SPAG16: variants seen among roughly 807,000 people sequenced by gnomAD.
The protein encoded by SPAG16 is sperm associated antigen 16, also known as sperm-associated antigen 16 protein.
A neutral mutation model predicts 80.4 loss-of-function variants in SPAG16; 86 were observed. That is an observed-to-expected ratio of 1.07 (90% confidence interval 0.90 to 1.28). The LOEUF (loss-of-function observed/expected upper bound fraction) is 1.28, where lower values mean the gene tolerates loss of function less well. Ranked by LOEUF, SPAG16 falls within the 50% of genes most tolerant of loss-of-function variation. The pLI is 0.00. For missense variants in SPAG16, 870 were observed against 765.3 expected (o/e 1.14, Z -1.61); for synonymous variants, 294 against 265.9 (o/e 1.11, Z -1.03).
At chr2:213,589,501 G>T (rs2060603279) in intron 10 of SPAG16, among the ~76,000 whole-genome samples, 1 of 152,194 alleles carries the variant, frequency 6.6e-6, no homozygotes, top group South Asian at 2.1e-4. Context: ...AATTGGAGCA[G>T]ATGGGACTGT....
At chr2:213,942,750 G>A (rs955734890) in intron 12 of SPAG16, among the ~76,000 whole-genome samples, 1 of 152,138 alleles carries the variant, frequency 6.6e-6, no homozygotes, top group Non-Finnish European at 1.5e-5. Context: ...AAGTCACATG[G>A]CCAATATTAG....
At chr2:213,605,423 G>A (rs2061224268) in intron 10 of SPAG16, among the ~76,000 whole-genome samples, 1 of 151,966 alleles carries the variant, frequency 6.6e-6, no homozygotes, top group Admixed American at 6.6e-5. Flanking sequence ...GGCCAAAGTG[G>A]AAGGATCCCT....
At chr2:214,104,975 T>G (rs2053304654) in intron 13 of SPAG16, among the ~76,000 whole-genome samples, 1 of 151,834 alleles carries the variant, frequency 6.6e-6, no homozygotes, top group Non-Finnish European at 1.5e-5. Context: ...GCTGTGGAAT[T>G]TGGTAGAGAA....
chr2:213,809,433 A>C (rs569555546), intron 10 of SPAG16, among the ~76,000 whole-genome samples: 1 of 152,308 alleles, frequency 6.6e-6, no homozygotes, highest in South Asian at 2.1e-4. Flanking sequence ...GGAAACATCT[A>C]AGGTCATTTT....
intron 10 of SPAG16, among the ~76,000 whole-genome samples, chr2:213,800,333 T>A (rs142642439): frequency 3.6e-4 from 23 of 63,762 alleles, no homozygotes; most frequent in Middle Eastern, 7.8e-3. Flanking sequence ...CCTCCCTCCC[T>A]CTCTCCCTCT....
chr2:213,625,403 C>T (rs2125064985), intron 10 of SPAG16, among the ~76,000 whole-genome samples: 1 of 152,114 alleles, frequency 6.6e-6, no homozygotes, highest in East Asian at 1.9e-4. Context: ...TGTATCAAAA[C>T]ACCTCGTGTA....
chr2:213,940,022 T>C (rs2079134259), intron 12 of SPAG16, among the ~76,000 whole-genome samples: 2 of 152,320 alleles, frequency 1.3e-5, no homozygotes, highest in African/African-American at 4.8e-5. Context: ...GTAAAATTTC[T>C]TATCTACAAA....
chr2:213,939,204 C>G (rs1240667335), intron 12 of SPAG16, among the ~76,000 whole-genome samples: 1 of 152,116 alleles, frequency 6.6e-6, no homozygotes, highest in Non-Finnish European at 1.5e-5. Flanking sequence ...TACTTAGAAA[C>G]TGATTATTTA....
chr2:213,889,600 A>G (rs2076698617), intron 11 of SPAG16, among the ~76,000 whole-genome samples: 1 of 150,466 alleles, frequency 6.6e-6, no homozygotes, highest in African/African-American at 2.4e-5. Flanking sequence ...CTTGTTGCTC[A>G]CACACACACA....
At chr2:214,273,260 G>T (rs1692176550) in intron 15 of SPAG16, among the ~76,000 whole-genome samples, 1 of 152,058 alleles carries the variant, frequency 6.6e-6, no homozygotes, top group Non-Finnish European at 1.5e-5. Context: ...CACTCTAATG[G>T]TAGTTTCTTT....
At chr2:214,066,478 A>G (rs2050534135) in intron 13 of SPAG16, among the ~76,000 whole-genome samples, 1 of 152,104 alleles carries the variant, frequency 6.6e-6, no homozygotes, top group Non-Finnish European at 1.5e-5. Context: ...CTTTACTTAT[A>G]CCTACATTTA....
At chr2:214,140,198 TTCTC>T (rs1029711313) in intron 14 of SPAG16, among the ~76,000 whole-genome samples, 1 of 152,014 alleles carries the variant, frequency 6.6e-6, no homozygotes, top group Non-Finnish European at 1.5e-5. Flanking sequence ...AGTTTCCTTT[TTCTC>T]TCTCTTTTTT....
chr2:213,921,537 GT>G (rs770442743), intron 11 of SPAG16, among the ~76,000 whole-genome samples: 5 of 152,048 alleles, frequency 3.3e-5, no homozygotes, highest in Admixed American at 1.3e-4. Flanking sequence ...TACATTCAAG[GT>G]TACTATTCAT....
chr2:214,177,305 T>G (rs1235080967), intron 15 of SPAG16, among the ~76,000 whole-genome samples: 1 of 151,164 alleles, frequency 6.6e-6, no homozygotes, highest in Admixed American at 6.6e-5. Flanking sequence ...GTATCTATTT[T>G]GCTTGCAGAA....
At chr2:213,782,805 T>C (rs1227247541) in intron 10 of SPAG16, among the ~76,000 whole-genome samples, 1 of 152,230 alleles carries the variant, frequency 6.6e-6, no homozygotes, top group Non-Finnish European at 1.5e-5. Context: ...TTTTTGCAGA[T>C]AGATGTTCTA....
chr2:213,369,706 A>T (rs959198261), intron 8 of SPAG16, among the ~76,000 whole-genome samples: 5 of 152,062 alleles, frequency 3.3e-5, no homozygotes, highest in African/African-American at 1.2e-4. Flanking sequence ...AGCTGAATTC[A>T]TTTTTTAAAA....
At chr2:213,972,722 T>C (rs926898669) in intron 12 of SPAG16, among the ~76,000 whole-genome samples, 1 of 151,996 alleles carries the variant, frequency 6.6e-6, no homozygotes, top group Non-Finnish European at 1.5e-5. Flanking sequence ...CATCACAGAG[T>C]CTTTTATTTA....
At chr2:213,675,020 A>G (rs1019447008) in intron 10 of SPAG16, among the ~76,000 whole-genome samples, 2 of 149,770 alleles carry the variant, frequency 1.3e-5, no homozygotes, top group African/African-American at 5.0e-5. Context: ...AAGTGTTCCT[A>G]TTTCTCCACA....
At chr2:213,332,103 GT>G (rs1559419019) in intron 5 of SPAG16, among the ~76,000 whole-genome samples, 1 of 152,078 alleles carries the variant, frequency 6.6e-6, no homozygotes, top group South Asian at 2.1e-4. Flanking sequence ...AACAAAAAAT[GT>G]TATTCTTTTG....
Sources: allele counts gnomAD v4.1 joint callset (sites outside exome capture counted in the v4.1 genomes callset), GRCh38; gene constraint gnomAD v4.1.1; transcripts MANE v1.5; gene names NCBI Gene and HGNC (gene_info 2026-07-23, HGNC 2026-07-21).